PRMT8: variants seen among roughly 807,000 people sequenced by gnomAD.
PRMT8 encodes protein arginine N-methyltransferase 8.
Under a neutral mutation model 47.1 loss-of-function variants are expected in PRMT8, and 7 were observed. That is an observed-to-expected ratio of 0.15 (90% CI 0.08 to 0.28). The LOEUF (loss-of-function observed/expected upper bound fraction) is 0.28. PRMT8 is among the 10% of genes least tolerant of loss of function. PRMT8 has a pLI of 1.00. For synonymous variants in PRMT8, 188 were observed against 186.5 expected, an observed-to-expected ratio of 1.01 and a Z score of -0.07; for missense variants, 237 against 505.4, an observed-to-expected ratio of 0.47 and a Z score of 5.09.
intron 1 of PRMT8, among the ~76,000 whole-genome samples, chr12:3,495,547 C>T (rs1249250136): frequency 1.3e-5 from 2 of 152,218 alleles, no homozygotes; most frequent in Admixed American, 6.5e-5. Flanking sequence ...TTTATCCTCT[C>T]TCCCCAGGGA....
At chr12:3,414,928 C>T (rs1864469179) in intron 1 of PRMT8, among the ~76,000 whole-genome samples, 1 of 151,960 alleles carries the variant, frequency 6.6e-6, no homozygotes, top group South Asian at 2.1e-4. Context: ...GCATGGCAGG[C>T]CAAAACAGCA....
chr12:3,587,770 A>G (rs1038692607), intron 8 of PRMT8, among the ~76,000 whole-genome samples: 4 of 152,180 alleles, frequency 2.6e-5, no homozygotes, highest in South Asian at 2.1e-4. Context: ...TCAACCCCCA[A>G]CTGAGTCTTC....
intron 1 of PRMT8, among the ~76,000 whole-genome samples, chr12:3,539,973 C>T (rs886792825): frequency 6.6e-6 from 1 of 152,130 alleles, no homozygotes. Context: ...TGGAGAGAAG[C>T]CCATGGGTTC....
rs200801684 is a variant in PRMT8 at position 3,558,992 on chromosome 12, G to A, written c.481+5278G>A. 3.9e-3 allele frequency among the ~76,000 whole-genome samples: 299 copies of A among 77,204 alleles called. 1 individual carries two copies. Among genetic ancestry groups the A allele is most frequent in the Middle Eastern group, 0.031 (4 of 128 alleles). 50.6% of individuals were successfully genotyped at this position (77,204 alleles called of 152,430 possible). A position where few individuals can be genotyped will look rare whatever the true frequency, so the allele number is the denominator to read the frequency against. On this transcript the variant is annotated intron_variant, in intron 4 of 9. Transcript: ENST00000382622. ...TATCTATCTATCTATCTATCTATCT[G>A]TCTATCTATCCTGTCTATCTAATCT...
At chr12:3,424,220 G>A (rs570996668) in intron 1 of PRMT8, among the ~76,000 whole-genome samples, 19 of 152,214 alleles carry the variant, frequency 1.2e-4, no homozygotes, top group African/African-American at 3.6e-4. Flanking sequence ...TGGCCCCATC[G>A]ATTCCTAAGG....
intron 1 of PRMT8, among the ~76,000 whole-genome samples, chr12:3,445,264 C>T (rs978344505): frequency 2.6e-5 from 4 of 152,152 alleles, no homozygotes; most frequent in Admixed American, 6.5e-5. Flanking sequence ...GAAAGGTGGC[C>T]GGGGAGGAGT....
At chr12:3,449,077 TTATGGCTGCATAG>T (rs1864890502) in intron 1 of PRMT8, among the ~76,000 whole-genome samples, 2 of 152,224 alleles carry the variant, frequency 1.3e-5, no homozygotes, top group Non-Finnish European at 2.9e-5. Context: ...TCATTCCTTT[TTATGGCTGCATAG>T]TATTCTGTGG....
chr12:3,395,132 A>C (rs1326614619), intron 1 of PRMT8, among the ~76,000 whole-genome samples: 2 of 149,200 alleles, frequency 1.3e-5, no homozygotes, highest in Non-Finnish European at 3.0e-5. Context: ...CTAGCGGTCT[A>C]TCAATTTTGT....
intron 1 of PRMT8, among the ~76,000 whole-genome samples, chr12:3,383,365 A>G (rs1864109746): frequency 6.6e-6 from 1 of 152,140 alleles, no homozygotes; most frequent in African/African-American, 2.4e-5. Context: ...ATGTGTCTCT[A>G]TTTTATTTAG....
chr12:3,403,248 A>G (rs886865786), intron 1 of PRMT8, among the ~76,000 whole-genome samples: 2 of 152,178 alleles, frequency 1.3e-5, no homozygotes, highest in African/African-American at 4.8e-5. Flanking sequence ...GTTCTCCCTT[A>G]TAAGTGGGAG....
intron 1 of PRMT8, among the ~76,000 whole-genome samples, chr12:3,448,259 C>T (rs1864879304): frequency 6.6e-6 from 1 of 152,144 alleles, no homozygotes; most frequent in Non-Finnish European, 1.5e-5. Flanking sequence ...CCTGCCTTGG[C>T]CTCCCAAAGT....
Position 3,496,742 on chromosome 12 carries a change from T to C in PRMT8, c.75+5042T>C, listed in dbSNP as rs140679015. On this transcript the variant is annotated intron_variant, in intron 1 of 9. Coordinates refer to ENST00000382622, the MANE Select transcript of PRMT8 (RefSeq NM_019854.5). ...CAATAAGCGTTTATGATTATTATCC[T>C]GCTAGCTTTTAGGAGTCTTGCCAAA... is the stretch of plus-strand genomic sequence containing the variant. Among the ~76,000 whole-genome samples the C allele has an allele frequency of 3.7e-3, 561 of 152,284 alleles. 3 individuals are homozygous for C. The highest frequency in any genetic ancestry group is 0.012 in the African/African-American group (519 of 41,568).
chr12:3,478,307 T>TCTATCTATCTAC (rs369719549), intron 1 of PRMT8, among the ~76,000 whole-genome samples: 9,802 of 135,534 alleles, frequency 0.072, 765 homozygotes, highest in Middle Eastern at 0.083. Flanking sequence ...TATCTATCTA[T>TCTATCTATCTAC]CTACCTACCT....
At chr12:3,497,274 G>C (rs1008210321) in intron 1 of PRMT8, among the ~76,000 whole-genome samples, 1 of 152,132 alleles carries the variant, frequency 6.6e-6, no homozygotes, top group African/African-American at 2.4e-5. Context: ...AGGCAAGAAG[G>C]GACCTCTGAA....
intron 2 of PRMT8, 150 bp downstream of exon 2, chr12:3,540,941 G>C (rs1866217330): frequency 1.0e-6 from 1 of 1,000,152 alleles, no homozygotes; most frequent in African/African-American, 1.6e-5. Flanking sequence ...TCCAATCCGG[G>C]GGGCCCCTCT....
At chr12:3,479,300 G>A (rs1019373471) in intron 1 of PRMT8, among the ~76,000 whole-genome samples, 11 of 152,178 alleles carry the variant, frequency 7.2e-5, no homozygotes, top group Admixed American at 3.3e-4. Context: ...GAGCCCCCTC[G>A]ATCTTCCTTC....
chr12:3,506,605 C>G (rs528736096), intron 1 of PRMT8, among the ~76,000 whole-genome samples: 1 of 152,314 alleles, frequency 6.6e-6, no homozygotes, highest in Admixed American at 6.5e-5. Flanking sequence ...TCACTCCCAG[C>G]TTTGGGATGT....
chr12:3,517,656 C>G (rs1042520788), intron 1 of PRMT8, among the ~76,000 whole-genome samples: 1 of 151,904 alleles, frequency 6.6e-6, no homozygotes, highest in African/African-American at 2.4e-5. Context: ...AGGCTGAGTA[C>G]ACAGGGAAAA....
intron 1 of PRMT8, among the ~76,000 whole-genome samples, chr12:3,402,387 AG>A (rs1864326545): frequency 6.6e-6 from 1 of 152,226 alleles, no homozygotes; most frequent in Non-Finnish European, 1.5e-5. Flanking sequence ...GAGAGGATCT[AG>A]GCAATGCCAT....
Sources: allele counts gnomAD v4.1 joint callset (sites outside exome capture counted in the v4.1 genomes callset), GRCh38; gene constraint gnomAD v4.1.1; transcripts MANE v1.5; gene names NCBI Gene and HGNC (gene_info 2026-07-23, HGNC 2026-07-21).